Variants in COL4A2 observed in about 807,000 individuals in gnomAD.
The protein encoded by COL4A2 is collagen type IV alpha 2 chain.
In COL4A2, 99 loss-of-function variants were observed where a neutral mutation model predicts 200.2. That is an observed-to-expected ratio of 0.49 (90% CI 0.42 to 0.58). The LOEUF (loss-of-function observed/expected upper bound fraction) is 0.58, where lower values mean the gene tolerates loss of function less well. Ranked by LOEUF, COL4A2 falls within the 20% of genes least tolerant of loss-of-function variation. The pLI is 0.00. For synonymous variants in COL4A2, 897 were observed against 900.6 expected, an observed-to-expected ratio of 1.00 and a Z score of 0.07; for missense variants, 1,950 against 2,314.1, an observed-to-expected ratio of 0.84 and a Z score of 3.23.
chr13:110,351,042 T>G (rs1277381373), intron 3 of COL4A2, among the ~76,000 whole-genome samples: 1 of 152,124 alleles, frequency 6.6e-6, no homozygotes, highest in Non-Finnish European at 1.5e-5. Flanking sequence ...GTTTCTTTCT[T>G]TCTTTATTTT....
intron 38 of COL4A2, 101 bp downstream of exon 38, chr13:110,492,278 C>T: frequency 9.8e-7 from 1 of 1,017,276 alleles, no homozygotes; most frequent in Non-Finnish European, 1.5e-6. Context: ...ACTTCTAAGG[C>T]CCATACGAGA....
intron 3 of COL4A2, among the ~76,000 whole-genome samples, chr13:110,333,695 C>T (rs11619656): frequency 0.085 from 12,958 of 152,266 alleles, 728 homozygotes; most frequent in African/African-American, 0.15. Flanking sequence ...CTTTTCATAT[C>T]GGGACACAGC....
At chr13:110,320,036 G>A (rs1006987845) in intron 3 of COL4A2, among the ~76,000 whole-genome samples, 1 of 152,222 alleles carries the variant, frequency 6.6e-6, no homozygotes, top group Admixed American at 6.5e-5. Context: ...GCCAGAGGTT[G>A]GAAAAGTCAA....
At chr13:110,493,063 GATGAGTGACACCCCCATGGGTGAAAT>G in intron 38 of COL4A2, 122 bp from the exon 39 acceptor site, 396 of 501,448 alleles carry the variant, frequency 7.9e-4, no homozygotes, top group South Asian at 2.6e-3. Flanking sequence ...GTGAAATAAC[GATGAGTGACACCCCCATGGGTGAAAT>G]AACGATGAGT....
intron 3 of COL4A2, among the ~76,000 whole-genome samples, chr13:110,340,332 G>C (rs1566481835): frequency 1.3e-5 from 2 of 152,156 alleles, no homozygotes; most frequent in Admixed American, 6.5e-5. Context: ...GGCCAGGCTG[G>C]TGTTGACGTC....
rs1883220615 is a variant in COL4A2 at position 110,489,682 on chromosome 13, T to C, written c.3272-29T>C. 5 of 1,614,058 alleles carry C rather than the reference T, an allele frequency of 3.1e-6. No homozygotes were observed. The Admixed American group carries it at 5.0e-5, about 16-fold the overall frequency. ...CACAAAGTCCCAGTGGAAAGTCCTG[T>C]TCTTAGCCGTCTTTTTTGCATGTAA... On this transcript the variant is annotated intron_variant, in intron 35 of 47. Coordinates refer to ENST00000360467, the MANE Select transcript of COL4A2 (RefSeq NM_001846.4).
At chr13:110,395,039 C>A (rs908328845) in intron 4 of COL4A2, among the ~76,000 whole-genome samples, 6 of 152,224 alleles carry the variant, frequency 3.9e-5, no homozygotes, top group Admixed American at 6.5e-5. Context: ...GAACTCCTAG[C>A]AGCCTCCATT....
At chr13:110,372,451 T>A (rs1287123378) in intron 4 of COL4A2, among the ~76,000 whole-genome samples, 3 of 152,204 alleles carry the variant, frequency 2.0e-5, no homozygotes, top group Non-Finnish European at 4.4e-5. Flanking sequence ...GAGTTTCTCT[T>A]CTCTGGAATT....
chr13:110,465,083 A>T (rs1329219847), intron 24 of COL4A2, among the ~76,000 whole-genome samples: 2 of 152,266 alleles, frequency 1.3e-5, no homozygotes, highest in African/African-American at 4.8e-5. Context: ...ACAGTAGAAC[A>T]CAAAAGCCTG....
intron 4 of COL4A2, among the ~76,000 whole-genome samples, chr13:110,386,221 G>A (rs1878742800): frequency 1.3e-5 from 2 of 152,202 alleles, no homozygotes; most frequent in Admixed American, 1.3e-4. Flanking sequence ...TGGTTAAAGT[G>A]TGTAGAGTGT....
intron 27 of COL4A2, among the ~76,000 whole-genome samples, chr13:110,467,930 C>T (rs1318452480): frequency 6.6e-6 from 1 of 152,236 alleles, no homozygotes; most frequent in Non-Finnish European, 1.5e-5. Context: ...ACTTGGGTAA[C>T]TCAGTGTCAC....
At chr13:110,465,172 T>G (rs539780963) in intron 24 of COL4A2, among the ~76,000 whole-genome samples, 1 of 152,298 alleles carries the variant, frequency 6.6e-6, no homozygotes, top group East Asian at 1.9e-4. Context: ...TGCTCAAGCA[T>G]GTACATGTGC....
intron 3 of COL4A2, among the ~76,000 whole-genome samples, chr13:110,353,663 G>T (rs1359974346): frequency 6.6e-6 from 1 of 152,216 alleles, no homozygotes; most frequent in Non-Finnish European, 1.5e-5. Context: ...CAATATTTCT[G>T]TTCCTCCTGG....
At chr13:110,414,098 C>A (rs1208394134) in intron 4 of COL4A2, among the ~76,000 whole-genome samples, 1 of 152,204 alleles carries the variant, frequency 6.6e-6, no homozygotes, top group Non-Finnish European at 1.5e-5. Context: ...TGACTTGAGC[C>A]CGGGAGTTTG....
intron 30 of COL4A2, among the ~76,000 whole-genome samples, 179 bp from the exon 31 acceptor site, chr13:110,480,041 A>C (rs1422547517): frequency 6.6e-6 from 1 of 152,152 alleles, no homozygotes; most frequent in Non-Finnish European, 1.5e-5. Flanking sequence ...ACCTCTCCAG[A>C]AAGGCCAGCC....
chr13:110,362,995 C>G (rs1048783036), intron 4 of COL4A2, among the ~76,000 whole-genome samples: 5 of 152,202 alleles, frequency 3.3e-5, no homozygotes, highest in Non-Finnish European at 4.4e-5. Flanking sequence ...TGACATCAAC[C>G]TTCACAGGGC....
In COL4A2 at chr13:110,474,763, A is replaced by AT. The variant is rs369121814; in HGVS notation, c.2425+1613_2425+1614insT. Among the ~76,000 whole-genome samples, 455 of 56,934 alleles carry AT rather than the reference A, an allele frequency of 8.0e-3. 29 individuals are homozygous for AT. The highest frequency in any genetic ancestry group is 0.011 in the South Asian group (19 of 1,706). The allele number at this position is 56,934 out of a possible 152,430, so 37.4% of individuals were successfully genotyped here. A position where few individuals can be genotyped will look rare whatever the true frequency, so the allele number is the denominator to read the frequency against. ...CACGTGCCGTGCACACTCACACATCACACACGCACGTACCCACACACGTGC... is the reference window on the plus strand; with the variant it reads ...CACGTGCCGTGCACACTCACACATCATCACACGCACGTACCCACACACGTGC... On this transcript the variant is annotated intron_variant, in intron 29 of 47. Coordinates refer to ENST00000360467, the MANE Select transcript of COL4A2 (RefSeq NM_001846.4).
intron 16 of COL4A2, 149 bp from the exon 17 acceptor site, chr13:110,445,680 C>A: frequency 9.4e-7 from 1 of 1,058,698 alleles, no homozygotes; most frequent in East Asian, 2.5e-5. Flanking sequence ...TTTTTGAGAC[C>A]CAAGTCAGGG....
chr13:110,436,143 G>C, intron 12 of COL4A2, 126 bp from the exon 13 acceptor site: 1 of 1,341,130 alleles, frequency 7.5e-7, no homozygotes, highest in Non-Finnish European at 1.1e-6. Flanking sequence ...ACTGTAAATA[G>C]GTATACATAT....
Sources: gnomAD v4.1 joint callset for allele counts (sites outside exome capture counted in the v4.1 genomes callset) on GRCh38, gnomAD v4.1.1 for gene constraint, MANE v1.5 for transcripts, NCBI Gene and HGNC (gene_info 2026-07-23, HGNC 2026-07-21) for gene names.